The following ITM2B variants were observed in gnomAD, a reference collection of about 807,000 sequenced individuals.
The protein encoded by ITM2B is ABri/ADan amyloid peptide.
A neutral mutation model predicts 27.8 loss-of-function variants in ITM2B; 11 were observed. The ratio of observed to expected loss-of-function variants is 0.40; its 90% CI spans 0.25 to 0.66. The LOEUF is 0.66. Among genes scored for constraint, ITM2B ranks in the 30% least tolerant of loss-of-function variants. The probability of loss-of-function intolerance (pLI) is 0.43; values close to 1 mark genes in which losing one functional copy is unlikely to be tolerated. For synonymous variants in ITM2B, 114 were observed against 114.3 expected (o/e 1.00, Z 0.02); for missense variants, 296 against 328.9 (o/e 0.90, Z 0.77).
chr13:48,255,265 G>C (rs1278325154), intron 2 of ITM2B, among the ~76,000 whole-genome samples: 1 of 151,662 alleles, frequency 6.6e-6, no homozygotes, highest in East Asian at 1.9e-4. Flanking sequence ...GCGCGCGCGT[G>C]TGCGTGCGCG....
intron 1 of ITM2B, among the ~76,000 whole-genome samples, chr13:48,235,013 C>CATATATAT (rs58490404): frequency 0.014 from 2,080 of 149,896 alleles, 26 homozygotes; most frequent in South Asian, 0.048. Flanking sequence ...AATGCTATCA[C>CATATATAT]ATATATATAT....
intron 1 of ITM2B, among the ~76,000 whole-genome samples, chr13:48,237,066 A>G (rs1036647443): frequency 1.1e-4 from 17 of 152,334 alleles, no homozygotes; most frequent in African/African-American, 3.6e-4. Context: ...TATTCACACA[A>G]TCAAGACTGA....
chr13:48,237,611 G>A (rs867623256), intron 1 of ITM2B, among the ~76,000 whole-genome samples: 3 of 152,126 alleles, frequency 2.0e-5, no homozygotes, highest in South Asian at 2.1e-4. Flanking sequence ...TCTCAAATAC[G>A]TTTATGTTAC....
At chr13:48,241,590 C>G (rs530623452) in intron 1 of ITM2B, among the ~76,000 whole-genome samples, 25 of 152,274 alleles carry the variant, frequency 1.6e-4, no homozygotes, top group Admixed American at 1.4e-3. Context: ...CCTTTATAGT[C>G]TTAAAAATTG....
intron 1 of ITM2B, among the ~76,000 whole-genome samples, chr13:48,252,531 A>ACAAC (rs1420184439): frequency 1.3e-5 from 2 of 152,188 alleles, no homozygotes; most frequent in African/African-American, 4.8e-5. Flanking sequence ...CTGAGGTGGA[A>ACAAC]CGGTTTCACC....
chr13:48,263,894 T>TG lies in ITM2B; in HGVS notation c.*2676dup, dbSNP rs1252986527. On this transcript the variant is annotated 3_prime_UTR_variant, in exon 6 of 6. Coordinates refer to ENST00000647800, the MANE Select transcript of ITM2B (RefSeq NM_021999.5). ...GGGGTAAGGATTTCAACATGAATTC[T>TG]GGGGGGACACAAACATTCAAACCAT... 1 of 152,204 alleles carries TG rather than the reference T, an allele frequency of 6.6e-6. No homozygotes were observed. The highest frequency in any genetic ancestry group is 2.4e-5 in the African/African-American group (1 of 41,426). The allele number at this position is 152,204 out of a possible 1,614,324, so 9.4% of individuals were successfully genotyped here.
At chr13:48,259,696 C>CTTT (rs35401842) in intron 5 of ITM2B, among the ~76,000 whole-genome samples, 1 of 129,884 alleles carries the variant, frequency 7.7e-6, no homozygotes, top group Non-Finnish European at 1.7e-5. Context: ...AGCTTGATTT[C>CTTT]TTTTTTTTTT....
intron 1 of ITM2B, among the ~76,000 whole-genome samples, chr13:48,253,470 T>C (rs569684217): frequency 9.9e-5 from 15 of 152,216 alleles, no homozygotes; most frequent in Non-Finnish European, 2.2e-4. Context: ...GCATAACCTC[T>C]TCTAAATTAT....
Position 48,233,227 on chromosome 13 carries a change from G to C in ITM2B, c.-134G>C. On this transcript the variant is annotated 5_prime_UTR_variant, in exon 1 of 6. Coordinates refer to ENST00000647800, the MANE Select transcript of ITM2B (RefSeq NM_021999.5). Reference sequence around the variant, plus strand: ...CCGCAGTAGCCGCCTCTGCCGCCGCGGAGCTTCCCGAACCTCTTCAGCCGC... The same window carrying C: ...CCGCAGTAGCCGCCTCTGCCGCCGCCGAGCTTCCCGAACCTCTTCAGCCGC... 1 of 502,388 alleles carries C rather than the reference G, an allele frequency of 2.0e-6. No homozygotes were observed. Among genetic ancestry groups the C allele is most frequent in the Non-Finnish European group, 3.5e-6 (1 of 289,040 alleles). 31.1% of individuals were successfully genotyped at this position (502,388 alleles called of 1,614,324 possible).
chr13:48,241,964 A>G (rs1951701955), intron 1 of ITM2B, among the ~76,000 whole-genome samples: 1 of 152,198 alleles, frequency 6.6e-6, no homozygotes, highest in Non-Finnish European at 1.5e-5. Context: ...CAGAACATCT[A>G]TTCTAAATAT....
intron 5 of ITM2B, among the ~76,000 whole-genome samples, chr13:48,259,915 A>G (rs1433128102): frequency 1.3e-5 from 2 of 152,068 alleles, no homozygotes; most frequent in African/African-American, 4.8e-5. Flanking sequence ...TTTGTTACAT[A>G]GGTATACAGG....
Position 48,267,476 on chromosome 13 carries a change from C to A in ITM2B, c.*6252C>A, listed in dbSNP as rs1951859494. The A allele has an allele frequency of 6.6e-6, 1 of 152,174 alleles. No individual in the cohort carries two copies. The highest frequency in any genetic ancestry group is 1.5e-5 in the Non-Finnish European group (1 of 68,038). The allele number at this position is 152,174 out of a possible 1,614,324, so 9.4% of individuals were successfully genotyped here. ...TGTCTCTGGAATGAGTCCCTAGATT[C>A]TAGCCCTGCAGCTAGCTGACACTCT... On this transcript the variant is annotated 3_prime_UTR_variant, in exon 6 of 6. Transcript: ENST00000647800.
chr13:48,262,335 A>G lies in ITM2B; in HGVS notation c.*1111A>G, dbSNP rs1951827606. ...ATTCATTTCACCTCAAGTTCCTAAG[A>G]CAAAAAATTTCAATTCTGACTTTAG... On this transcript the variant is annotated 3_prime_UTR_variant, in exon 6 of 6. Coordinates refer to ENST00000647800, the MANE Select transcript of ITM2B (RefSeq NM_021999.5). The G allele has an allele frequency of 2.0e-5, 3 of 152,156 alleles. No individual in the cohort carries two copies. The highest frequency in any genetic ancestry group is 1.3e-4 in the Admixed American group (2 of 15,252). 9.4% of individuals were successfully genotyped at this position (152,156 alleles called of 1,614,324 possible).
chr13:48,254,008 T>G, intron 2 of ITM2B, 72 bp downstream of exon 2: 4 of 1,441,342 alleles, frequency 2.8e-6, no homozygotes, highest in Non-Finnish European at 3.9e-6. Flanking sequence ...ATTACAAAAT[T>G]GTTTACAACT....
At chr13:48,246,441 C>T (rs1220990170) in intron 1 of ITM2B, among the ~76,000 whole-genome samples, 1 of 152,122 alleles carries the variant, frequency 6.6e-6, no homozygotes, top group Non-Finnish European at 1.5e-5. Flanking sequence ...AAAATGCAAA[C>T]AAATGTTTGA....
In ITM2B at chr13:48,233,248, G is replaced by A; in HGVS notation, c.-113G>A. ...CCGCGGAGCTTCCCGAACCTCTTCA[G>A]CCGCCCGGAGCCGCTCCCGGAGCCC... is the stretch of plus-strand genomic sequence containing the variant. On this transcript the variant is annotated 5_prime_UTR_variant, in exon 1 of 6. Transcript: ENST00000647800. 3.3e-6 allele frequency: 2 copies of A among 609,298 alleles called. No individual in the cohort carries two copies. The highest frequency in any genetic ancestry group is 2.2e-5 in the South Asian group (1 of 45,118). The allele number at this position is 609,298 out of a possible 1,614,324, so 37.7% of individuals were successfully genotyped here.
At chr13:48,241,136 G>A (rs1223107104) in intron 1 of ITM2B, among the ~76,000 whole-genome samples, 2 of 152,152 alleles carry the variant, frequency 1.3e-5, no homozygotes, top group African/African-American at 4.8e-5. Context: ...CCTTGGCCTG[G>A]CATCCTTGTA....
rs1951804891 is a variant in ITM2B, at chr13:48,258,779, A to G, written c.565-18A>G. The G allele has an allele frequency of 1.9e-6, 3 of 1,611,112 alleles. No homozygotes were observed. Among genetic ancestry groups the G allele is most frequent in the African/African-American group, 2.7e-5 (2 of 74,970 alleles). On this transcript the variant is annotated intron_variant, in intron 4 of 5. Coordinates refer to ENST00000647800, the MANE Select transcript of ITM2B (RefSeq NM_021999.5). ...ATGTTCTGAGATAGTCATGTCATGT[A>G]TTCTTTTCTGAATGTAGGCTGGAAC...
Position 48,266,621 on chromosome 13 carries a change from TGG to T in ITM2B, c.*5399_*5400del, listed in dbSNP as rs1166594817. The T allele has an allele frequency of 6.6e-6, 1 of 152,152 alleles. No homozygotes were observed. Among genetic ancestry groups the T allele is most frequent in the Non-Finnish European group, 1.5e-5 (1 of 68,022 alleles). 9.4% of individuals were successfully genotyped at this position (152,152 alleles called of 1,614,324 possible). A position where few individuals can be genotyped will look rare whatever the true frequency, so the allele number is the denominator to read the frequency against. On this transcript the variant is annotated 3_prime_UTR_variant, in exon 6 of 6. Coordinates refer to ENST00000647800, the MANE Select transcript of ITM2B (RefSeq NM_021999.5). ...TCACTAAAACCAAAGGGGGTTTTTT[TGG>T]GCAGACAATCTTCATTATTCAGATG... is the stretch of plus-strand genomic sequence containing the variant.
Sources: gnomAD v4.1 joint callset for allele counts (sites outside exome capture counted in the v4.1 genomes callset) on GRCh38, gnomAD v4.1.1 for gene constraint, MANE v1.5 for transcripts, NCBI Gene and HGNC (gene_info 2026-07-23, HGNC 2026-07-21) for gene names.